MVD: variants seen among roughly 807,000 people sequenced by gnomAD.
MVD encodes mevalonate diphosphate decarboxylase, also known as diphosphomevalonate decarboxylase.
Under a neutral mutation model 42.4 loss-of-function variants are expected in MVD, and 52 were observed. The observed-to-expected ratio is 1.23, with a 90% CI of 0.98 to 1.55. The LOEUF is 1.55. MVD is among the 40% of genes most tolerant of loss of function. The pLI is 0.00. For synonymous variants in MVD, 287 were observed against 243.2 expected, an observed-to-expected ratio of 1.18 and a Z score of -1.68; for missense variants, 663 against 572.1, an observed-to-expected ratio of 1.16 and a Z score of -1.62.
chr16:88,657,947 C>A lies in MVD; in HGVS notation c.224G>T (p.Gly75Val), dbSNP rs756168102. ...CAGGCAGGCCTGCAGCCGCGGCTGC[C>A]CCACATCCTCCTCCCGGCCATTCAG... is the stretch of plus-strand genomic sequence containing the variant. ...IWLNGREEDV[G>V]QPRLQACLRE... The change falls in exon 3 of 10, where the codon GGG becomes GTG. Residue 75 changes from glycine (G) to valine (V), a missense_variant. Gly to Val is a moderately radical substitution (Grantham distance 109, BLOSUM62 -3). Coordinates refer to ENST00000301012, the MANE Select transcript of MVD (RefSeq NM_002461.3). The A allele has an allele frequency of 3.1e-6, 5 of 1,613,700 alleles. No homozygotes were observed. Among genetic ancestry groups the A allele is most frequent in the Non-Finnish European group, 4.2e-6 (5 of 1,180,040 alleles).
intron 9 of MVD, 53 bp from the exon 10 acceptor site, chr16:88,652,658 T>A: frequency 6.7e-7 from 1 of 1,494,558 alleles, no homozygotes; most frequent in Non-Finnish European, 9.1e-7. Flanking sequence ...CCTCATCCTG[T>A]GCCCAGCATC....
Position 88,657,898 on chromosome 16 carries a change from T to G in MVD, c.256+17A>C, listed in dbSNP as rs751801850. ...CTGACAACAGGGAGGGATGGGCTTA[T>G]GGGGACCCCAGCTCACTCTCCCGCA... On this transcript the variant is annotated intron_variant, in intron 3 of 9. Transcript: ENST00000301012. 1 of 1,610,288 alleles carries G rather than the reference T, an allele frequency of 6.2e-7. No homozygotes were observed. Among genetic ancestry groups the G allele is most frequent in the African/African-American group, 1.3e-5 (1 of 74,912 alleles).
rs114857677 is a variant in MVD, at chr16:88,652,960, G to A, written c.1122+340C>T. 9.7e-3 allele frequency among the ~76,000 whole-genome samples: 1,479 copies of A among 152,200 alleles called. 31 individuals carry two copies. Among genetic ancestry groups the A allele is most frequent in the African/African-American group, 0.033 (1,377 of 41,550 alleles). ...GAGCAGGTCAGAGGGCAGGAACTCC[G>A]GTCTGCTGGGGTGGTTGGGGTGGGG... On this transcript the variant is annotated intron_variant, in intron 9 of 9. Transcript: ENST00000301012.
At chr16:88,653,527 G>C in intron 8 of MVD, 119 bp from the exon 9 acceptor site, 1 of 827,816 alleles carries the variant, frequency 1.2e-6, no homozygotes, top group South Asian at 1.8e-5. Context: ...GCTCAGGGAG[G>C]GGGAGACGGC....
chr16:88,662,519 C>A (rs909935959), intron 1 of MVD, among the ~76,000 whole-genome samples: 1 of 152,200 alleles, frequency 6.6e-6, no homozygotes, highest in Non-Finnish European at 1.5e-5. Context: ...CCTGCGGGCC[C>A]CCCATTACCG....
At chr16:88,661,289 A>C (rs1908273687) in intron 1 of MVD, among the ~76,000 whole-genome samples, 1 of 152,238 alleles carries the variant, frequency 6.6e-6, no homozygotes, top group Non-Finnish European at 1.5e-5. Flanking sequence ...TTTAAAATGA[A>C]AAACTGGCTC....
chr16:88,657,485 G>A lies in MVD; in HGVS notation c.354C>T (p.Phe118=). 3.1e-6 allele frequency: 5 copies of A among 1,612,726 alleles called. No homozygotes were observed. Among genetic ancestry groups the A allele is most frequent in the Non-Finnish European group, 4.2e-6 (5 of 1,179,908 alleles). Residue 118 remains phenylalanine, a synonymous_variant, in exon 4 of 10, where the codon TTC becomes TTT. Coordinates refer to ENST00000301012, the MANE Select transcript of MVD (RefSeq NM_002461.3). ...CKVHVASVNN[F]PTAAGLASSA... Reference sequence around the variant, plus strand: ...AGGAGGCCAGGCCCGCAGCCGTGGGGAAGTTGTTCACCGATGCCACGTGCA... The same window carrying A: ...AGGAGGCCAGGCCCGCAGCCGTGGGAAAGTTGTTCACCGATGCCACGTGCA...
intron 1 of MVD, 117 bp downstream of exon 1, chr16:88,662,894 C>T: frequency 1.3e-6 from 2 of 1,493,930 alleles, no homozygotes; most frequent in Non-Finnish European, 1.8e-6. Context: ...TCAGTTTCCC[C>T]GTCTGTCGAG....
At chr16:88,662,864 G>A (rs1356832716) in intron 1 of MVD, 147 bp downstream of exon 1, 8 of 1,439,244 alleles carry the variant, frequency 5.6e-6, no homozygotes, top group East Asian at 2.9e-5. Flanking sequence ...CCCGACCACC[G>A]CCGCGCCCCT....
intron 4 of MVD, 165 bp downstream of exon 4, chr16:88,657,271 G>T: frequency 1.0e-6 from 1 of 967,418 alleles, no homozygotes; most frequent in Non-Finnish European, 1.6e-6. Context: ...ATGTTCAGAT[G>T]TGCTCTGGGA....
At position 88,656,135 on chromosome 16, in the gene MVD, G is replaced by T; in HGVS notation, c.573C>A (p.His191Gln). Residue 191 changes from histidine (H) to glutamine (Q), a missense_variant, in exon 5 of 10, where the codon CAC (histidine) becomes CAA (glutamine). Physicochemically the swap from His to Gln is conservative, Grantham distance 24. Coordinates refer to ENST00000301012, the MANE Select transcript of MVD (RefSeq NM_002461.3). ...GGATGAGCACGCGGAGTTCAGGCCAGTGTGACTCGGGGGCCACTTGCCGAG... is the reference window on the plus strand; with the variant it reads ...GGATGAGCACGCGGAGTTCAGGCCATTGTGACTCGGGGGCCACTTGCCGAG... ...SIARQVAPES[H>Q]WPELRVLILV... 1 of 1,601,960 alleles carries T rather than the reference G, an allele frequency of 6.2e-7. No individual in the cohort carries two copies. The highest frequency in any genetic ancestry group is 8.5e-7 in the Non-Finnish European group (1 of 1,179,904).
In MVD at chr16:88,655,237, G is replaced by C; in HGVS notation, c.859C>G (p.Leu287Val). 6.3e-7 allele frequency: 1 copy of C among 1,581,136 alleles called. No homozygotes were observed. The highest frequency in any genetic ancestry group is 8.6e-7 in the Non-Finnish European group (1 of 1,163,750). ...LNAISWRIIH[L>V]VHRFNAHHGD... ...TGGTGGGCGTTGAAGCGGTGCACCA[G>C]GTGGATGATGCGCCAGGAGATGGCA... The change falls in exon 7 of 10, where the codon CTG becomes GTG. Residue 287 changes from leucine to valine, a missense_variant. Leu to Val is a conservative substitution (Grantham distance 32). Transcript: ENST00000301012.
rs367729578 is a variant in MVD at position 88,652,571 on chromosome 16, C to T, written c.1157G>A (p.Cys386Tyr). The T allele has an allele frequency of 2.0e-5, 31 of 1,570,424 alleles. No individual in the cohort carries two copies. The South Asian group carries it at 3.0e-4, about 15-fold the overall frequency. The change falls in exon 10 of 10, where the codon TGC becomes TAC. Residue 386 changes from cysteine to tyrosine, a missense_variant. Physicochemically the swap from Cys to Tyr is radical, Grantham distance 194. Transcript: ENST00000301012. ...GCCGTCAGGACCCAGGAGGTGGGCG[C>T]AGGGGTCATCCAGGATTTGAGGCCC... is the stretch of plus-strand genomic sequence containing the variant. The part of the protein sequence containing the change: ...GPGPQILDDP[C>Y]AHLLGPDGLP...
intron 2 of MVD, 96 bp from the exon 3 acceptor site, chr16:88,658,125 C>G: frequency 7.8e-7 from 1 of 1,275,360 alleles, no homozygotes; most frequent in East Asian, 2.3e-5. Context: ...TGGCTGCCCA[C>G]TCGAGCAAGG....
rs933050794 is a variant in MVD, at chr16:88,651,979, G to A, written c.*546C>T. 2.1e-5 allele frequency: 4 copies of A among 187,592 alleles called. No homozygotes were observed. Among genetic ancestry groups the A allele is most frequent in the East Asian group, 1.8e-4 (1 of 5,640 alleles). The allele number at this position is 187,592 out of a possible 1,614,324, so 11.6% of individuals were successfully genotyped here. On this transcript the variant is annotated 3_prime_UTR_variant, in exon 10 of 10. Coordinates refer to ENST00000301012, the MANE Select transcript of MVD (RefSeq NM_002461.3). ...TTTATTCCCCATGGCCACCGGGGCC[G>A]CACTGGTGCCCACTCCTGCCACCAT...
intron 7 of MVD, 87 bp downstream of exon 7, chr16:88,655,112 C>T (rs1403581623): frequency 1.2e-5 from 18 of 1,445,934 alleles, no homozygotes; most frequent in African/African-American, 4.2e-5. Context: ...GCCCTGCACG[C>T]GAGCCCCGGG....
chr16:88,655,950 C>G, intron 5 of MVD, 155 bp downstream of exon 5: 1 of 1,204,112 alleles, frequency 8.3e-7, no homozygotes, highest in Non-Finnish European at 1.1e-6. Context: ...GGAGCGGTTC[C>G]TGAGCACTCA....
intron 2 of MVD, among the ~76,000 whole-genome samples, chr16:88,658,397 C>G (rs941887203): frequency 9.9e-5 from 15 of 152,144 alleles, no homozygotes; most frequent in African/African-American, 3.1e-4. Context: ...CGTCGCTAGG[C>G]CATCTCATCC....
chr16:88,655,917 C>T (rs944777964), intron 5 of MVD, 187 bp from the exon 6 acceptor site: 25 of 1,089,188 alleles, frequency 2.3e-5, no homozygotes, highest in Middle Eastern at 5.8e-4. Flanking sequence ...CAGATCCCAG[C>T]GGGTGGTGGC....
Sources: gnomAD v4.1 joint callset for allele counts (sites outside exome capture counted in the v4.1 genomes callset) on GRCh38, gnomAD v4.1.1 for gene constraint, MANE v1.5 for transcripts, NCBI Gene and HGNC (gene_info 2026-07-23, HGNC 2026-07-21) for gene names.